WWOX: variants seen among roughly 807,000 people sequenced by gnomAD.
The protein encoded by WWOX is WW domain containing oxidoreductase.
A neutral mutation model predicts 46.2 loss-of-function variants in WWOX; 69 were observed. That is an observed-to-expected ratio of 1.49 (90% CI 1.23 to 1.82). WWOX has a LOEUF of 1.82. Among genes scored for constraint, WWOX ranks in the 40% most tolerant of loss-of-function variants. The pLI is 0.00. For missense variants in WWOX, 919 were observed against 542.6 expected, an observed-to-expected ratio of 1.69 and a Z score of -6.89; for synonymous variants, 359 against 202.6, an observed-to-expected ratio of 1.77 and a Z score of -6.56.
At chr16:78,175,857 T>C (rs2151748055) in intron 5 of WWOX, among the ~76,000 whole-genome samples, 1 of 152,322 alleles carries the variant, frequency 6.6e-6, no homozygotes, top group East Asian at 1.9e-4. Context: ...AGAAGGATCC[T>C]TAAGAGAGAC....
At chr16:78,340,452 G>A (rs1417287473) in intron 5 of WWOX, among the ~76,000 whole-genome samples, 1 of 120,356 alleles carries the variant, frequency 8.3e-6, no homozygotes, top group Admixed American at 8.1e-5. Flanking sequence ...CAGGTGATCT[G>A]CCCATCTCAG....
At chr16:78,101,339 T>G (rs1313760946) in intron 1 of WWOX, among the ~76,000 whole-genome samples, 2 of 134,378 alleles carry the variant, frequency 1.5e-5, no homozygotes, top group Admixed American at 7.7e-5. Context: ...GAGCTACCGC[T>G]CCCGGCCTTT....
At chr16:78,896,357 T>G (rs1457173000) in intron 8 of WWOX, 1 of 152,142 alleles carries the variant, frequency 6.6e-6, no homozygotes, top group Non-Finnish European at 1.5e-5. Context: ...TACAAAGTTA[T>G]CAAAAACGGG....
At chr16:78,519,455 T>C (rs1308399420) in intron 8 of WWOX, among the ~76,000 whole-genome samples, 2 of 151,972 alleles carry the variant, frequency 1.3e-5, no homozygotes, top group Non-Finnish European at 2.9e-5. Context: ...TGTTTCCTTC[T>C]AATTTTTTTC....
intron 8 of WWOX, among the ~76,000 whole-genome samples, chr16:78,648,653 G>A (rs531737890): frequency 1.3e-5 from 2 of 152,282 alleles, no homozygotes; most frequent in Admixed American, 1.3e-4. Context: ...CAATCATACA[G>A]GATGTCCTGG....
At chr16:78,392,012 T>TA (rs1306227770) in intron 6 of WWOX, among the ~76,000 whole-genome samples, 1 of 151,104 alleles carries the variant, frequency 6.6e-6, no homozygotes, top group African/African-American at 2.4e-5. Context: ...TTTTTTTCCT[T>TA]AAAAAAATTT....
chr16:78,438,510 A>G (rs1402770620), intron 8 of WWOX, among the ~76,000 whole-genome samples: 1 of 151,820 alleles, frequency 6.6e-6, no homozygotes, highest in Admixed American at 6.6e-5. Context: ...TCCTTGCCAG[A>G]GTTCCCAGGT....
intron 8 of WWOX, among the ~76,000 whole-genome samples, chr16:78,962,835 A>G (rs999274462): frequency 3.9e-5 from 6 of 152,200 alleles, no homozygotes; most frequent in African/African-American, 1.4e-4. Context: ...GGTAACCACT[A>G]TTCTGATTTC....
At chr16:79,192,095 T>G (rs386497) in intron 8 of WWOX, among the ~76,000 whole-genome samples, 1 of 152,076 alleles carries the variant, frequency 6.6e-6, no homozygotes, top group Non-Finnish European at 1.5e-5. Flanking sequence ...CATAGGGTAT[T>G]TCCAGATAAT....
At chr16:78,994,683 G>C (rs1181772807) in intron 8 of WWOX, among the ~76,000 whole-genome samples, 2 of 152,122 alleles carry the variant, frequency 1.3e-5, no homozygotes, top group African/African-American at 2.4e-5. Flanking sequence ...CACTGTAATA[G>C]ACAGTGGGGG....
chr16:78,358,228 G>C (rs1206697428), intron 5 of WWOX, among the ~76,000 whole-genome samples: 2 of 152,084 alleles, frequency 1.3e-5, no homozygotes, highest in African/African-American at 4.8e-5. Context: ...AAAAAAAGAA[G>C]AAAAAGTGCT....
At chr16:78,655,578 C>G (rs1351453146) in intron 8 of WWOX, among the ~76,000 whole-genome samples, 1 of 151,972 alleles carries the variant, frequency 6.6e-6, no homozygotes, top group Non-Finnish European at 1.5e-5. Flanking sequence ...ACAATTGATG[C>G]ACTTTAATTT....
Position 78,862,224 on chromosome 16 carries a change from G to T in WWOX, c.1057-349384G>T, listed in dbSNP as rs564912605. 3.0e-4 allele frequency among the ~76,000 whole-genome samples: 42 copies of T among 138,160 alleles called. No homozygotes were observed. The South Asian group carries it at 9.3e-3, about 31-fold the overall frequency. The allele number at this position is 138,160 out of a possible 152,430, so 90.6% of individuals were successfully genotyped here. On this transcript the variant is annotated intron_variant, in intron 8 of 8. Transcript: ENST00000566780. ...TCTTTACACACCTATGGGTGTGTCT[G>T]TCTGTATCTATACACACCTATGGGT...
At chr16:78,238,119 A>G (rs2037503433) in intron 5 of WWOX, 1 of 152,212 alleles carries the variant, frequency 6.6e-6, no homozygotes. Flanking sequence ...TCGTCTAGAA[A>G]GTGCCTCGGT....
chr16:78,432,950 T>A (rs2083259600), intron 8 of WWOX, among the ~76,000 whole-genome samples, 198 bp downstream of exon 8: 1 of 152,200 alleles, frequency 6.6e-6, no homozygotes, highest in Non-Finnish European at 1.5e-5. Flanking sequence ...CTTGGAGGGC[T>A]GGGTAGAAGA....
At chr16:78,336,554 G>A (rs867140650) in intron 5 of WWOX, among the ~76,000 whole-genome samples, 7 of 149,944 alleles carry the variant, frequency 4.7e-5, no homozygotes, top group South Asian at 2.1e-4. Context: ...GATAACAGAG[G>A]GAGCAAAGGA....
intron 4 of WWOX, among the ~76,000 whole-genome samples, chr16:78,140,218 C>A (rs1026767776): frequency 2.0e-5 from 3 of 152,062 alleles, no homozygotes; most frequent in Non-Finnish European, 4.4e-5. Context: ...GAGAGGTGCC[C>A]GATACAGTCC....
At chr16:79,009,749 C>T (rs149323899) in intron 8 of WWOX, among the ~76,000 whole-genome samples, 135 of 152,250 alleles carry the variant, frequency 8.9e-4, no homozygotes, top group African/African-American at 3.1e-3. Flanking sequence ...CCGCTCCTGG[C>T]ACCCATCAAA....
chr16:78,216,550 G>C (rs1239540262), intron 5 of WWOX, among the ~76,000 whole-genome samples: 3 of 151,754 alleles, frequency 2.0e-5, no homozygotes, highest in Non-Finnish European at 2.9e-5. Flanking sequence ...CATGACGCTA[G>C]AGGCTGACAC....
Sources: gnomAD v4.1 joint callset for allele counts (sites outside exome capture counted in the v4.1 genomes callset) on GRCh38, gnomAD v4.1.1 for gene constraint, MANE v1.5 for transcripts, NCBI Gene and HGNC (gene_info 2026-07-23, HGNC 2026-07-21) for gene names.